The following PDE4D variants were observed in gnomAD, a reference collection of about 807,000 sequenced individuals.
PDE4D encodes the protein 3',5'-cyclic-AMP phosphodiesterase 4D.
PDE4D carries 24 observed loss-of-function variants against 87.4 expected under a neutral mutation model. The ratio of observed to expected loss-of-function variants is 0.27; its 90% CI spans 0.20 to 0.39. The LOEUF (loss-of-function observed/expected upper bound fraction) is 0.39. Among genes scored for constraint, PDE4D ranks in the 10% least tolerant of loss-of-function variants. The pLI is 1.00. For missense variants in PDE4D, 714 were observed against 1,041.0 expected, an observed-to-expected ratio of 0.69 and a Z score of 4.32; for synonymous variants, 384 against 383.2, an observed-to-expected ratio of 1.00 and a Z score of -0.02.
intron 3 of PDE4D, among the ~76,000 whole-genome samples, chr5:59,934,065 C>G (rs1756290300): frequency 6.6e-6 from 1 of 152,098 alleles, no homozygotes; most frequent in African/African-American, 2.4e-5. Flanking sequence ...CTCACTGCAA[C>G]TTCCGCCTCC....
At chr5:60,236,353 A>G (rs1746431137) in intron 1 of PDE4D, among the ~76,000 whole-genome samples, 1 of 151,948 alleles carries the variant, frequency 6.6e-6, no homozygotes, top group Admixed American at 6.6e-5. Flanking sequence ...ATTATAGAGG[A>G]CTTATATCTA....
intron 1 of PDE4D, among the ~76,000 whole-genome samples, chr5:59,451,268 G>T (rs557454183): frequency 6.6e-6 from 1 of 152,124 alleles, no homozygotes; most frequent in Non-Finnish European, 1.5e-5. Flanking sequence ...TTTCATTTCA[G>T]CTTTGTCTTC....
intron 1 of PDE4D, among the ~76,000 whole-genome samples, chr5:59,225,164 G>A (rs1268375802): frequency 6.6e-6 from 1 of 152,152 alleles, no homozygotes; most frequent in African/African-American, 2.4e-5. Context: ...TAAGTCTTGA[G>A]TGGATTTTTT....
At chr5:59,362,482 C>A (rs1430410144) in intron 1 of PDE4D, among the ~76,000 whole-genome samples, 1 of 151,194 alleles carries the variant, frequency 6.6e-6, no homozygotes, top group Non-Finnish European at 1.5e-5. Context: ...AGCATTAAAA[C>A]CCTCTAAGAA....
intron 5 of PDE4D, among the ~76,000 whole-genome samples, chr5:59,111,684 C>T (rs1291579199): frequency 1.3e-5 from 2 of 152,158 alleles, no homozygotes; most frequent in East Asian, 3.8e-4. Context: ...AGACCAAAGC[C>T]ACAGCTTTCC....
In PDE4D at chr5:59,264,559, C is replaced by T. The variant is rs150059511; in HGVS notation, c.456-48591G>A. The stretch of plus-strand genomic sequence containing the variant: ...GATTCATATACTAGTAGACTCTTAA[C>T]GAAACACAGAAAAGTAATTGGGCTA... On this transcript the variant is annotated intron_variant, in intron 1 of 14. Transcript: ENST00000340635. 2.7e-3 allele frequency among the ~76,000 whole-genome samples: 414 copies of T among 152,026 alleles called. 7 individuals carry two copies. Among genetic ancestry groups the T allele is most frequent in the African/African-American group, 8.8e-3 (367 of 41,518 alleles).
intron 1 of PDE4D, among the ~76,000 whole-genome samples, chr5:59,815,811 T>C (rs1768910421): frequency 6.6e-6 from 1 of 152,210 alleles, no homozygotes; most frequent in East Asian, 1.9e-4. Context: ...AACTAGAAAT[T>C]CATTTCAGCC....
chr5:59,356,893 C>T, intron 1 of PDE4D: 1 of 1,501,370 alleles, frequency 6.7e-7, no homozygotes, highest in Non-Finnish European at 8.8e-7. Flanking sequence ...GAAGTCAGAG[C>T]TGGTGCGGGG....
chr5:59,828,373 C>T (rs960527262), intron 1 of PDE4D, among the ~76,000 whole-genome samples: 1 of 151,810 alleles, frequency 6.6e-6, no homozygotes, highest in African/African-American at 2.4e-5. Flanking sequence ...AGACTGTAAG[C>T]AAAACTAAAG....
intron 1 of PDE4D, among the ~76,000 whole-genome samples, chr5:59,615,436 C>T (rs1447799797): frequency 5.4e-5 from 5 of 91,872 alleles, no homozygotes; most frequent in Admixed American, 5.4e-4. Flanking sequence ...GTAAATGAAT[C>T]ATAGGCACAT....
At chr5:60,130,048 C>T (rs1779434734) in intron 2 of PDE4D, among the ~76,000 whole-genome samples, 1 of 152,150 alleles carries the variant, frequency 6.6e-6, no homozygotes, top group Non-Finnish European at 1.5e-5. Context: ...TTGTCTCCTT[C>T]CACCATGTGA....
At chr5:59,616,824 G>A in intron 1 of PDE4D, among the ~76,000 whole-genome samples, 1 of 146,602 alleles carries the variant, frequency 6.8e-6, no homozygotes, top group Non-Finnish European at 1.5e-5. Flanking sequence ...AATAAGTGTG[G>A]GAAAGGATAT....
intron 1 of PDE4D, among the ~76,000 whole-genome samples, chr5:59,697,325 T>G: frequency 6.6e-6 from 1 of 152,310 alleles, no homozygotes; most frequent in East Asian, 1.9e-4. Context: ...TAATTATAAT[T>G]GTGTTAAATG....
At chr5:59,331,429 C>G (rs895427704) in intron 1 of PDE4D, among the ~76,000 whole-genome samples, 3 of 152,114 alleles carry the variant, frequency 2.0e-5, no homozygotes, top group Non-Finnish European at 4.4e-5. Context: ...AAGACACCAG[C>G]CTTGTTGGAT....
intron 5 of PDE4D, among the ~76,000 whole-genome samples, chr5:59,162,177 A>G (rs6450504): frequency 0.24 from 36,251 of 152,138 alleles, 4,586 homozygotes; most frequent in African/African-American, 0.29. Flanking sequence ...TGATCTATAT[A>G]TGGAAATTTA....
chr5:60,338,460 C>T (rs143160294), intron 1 of PDE4D, among the ~76,000 whole-genome samples: 1 of 152,314 alleles, frequency 6.6e-6, no homozygotes, highest in East Asian at 1.9e-4. Context: ...AGCCTCTTGA[C>T]CTTTAACCCA....
At chr5:59,124,618 C>G (rs556754447) in intron 5 of PDE4D, among the ~76,000 whole-genome samples, 1 of 152,100 alleles carries the variant, frequency 6.6e-6, no homozygotes, top group South Asian at 2.1e-4. Context: ...ACAGGGTGCA[C>G]TGGGACAAGA....
At chr5:60,452,027 C>G (rs1316988772) in intron 1 of PDE4D, among the ~76,000 whole-genome samples, 2 of 152,022 alleles carry the variant, frequency 1.3e-5, no homozygotes, top group Admixed American at 6.6e-5. Flanking sequence ...AAAGACAGTC[C>G]AAACAGTTTT....
chr5:59,127,543 G>A (rs1023588637), intron 5 of PDE4D, among the ~76,000 whole-genome samples: 8 of 151,688 alleles, frequency 5.3e-5, no homozygotes, highest in Non-Finnish European at 8.8e-5. Context: ...TACAGGAAAC[G>A]CATAGAAGAA....
Sources: allele counts gnomAD v4.1 joint callset (sites outside exome capture counted in the v4.1 genomes callset), GRCh38; gene constraint gnomAD v4.1.1; transcripts MANE v1.5; gene names NCBI Gene and HGNC (gene_info 2026-07-23, HGNC 2026-07-21).